TDRD10: variants seen among roughly 807,000 people sequenced by gnomAD.
TDRD10 encodes tudor domain containing 10, also known as tudor domain-containing protein 10.
TDRD10 carries 40 observed loss-of-function variants against 48.0 expected under a neutral mutation model. That is an observed-to-expected ratio of 0.83 (90% CI 0.65 to 1.09). The LOEUF is 1.09. Among genes scored for constraint, TDRD10 ranks in the 50% least tolerant of loss-of-function variants. The pLI, the probability that TDRD10 is intolerant of heterozygous loss-of-function variation, is 0.00. For synonymous variants in TDRD10, 162 were observed against 170.4 expected, an observed-to-expected ratio of 0.95 and a Z score of 0.38; for missense variants, 378 against 434.7, an observed-to-expected ratio of 0.87 and a Z score of 1.16.
intron 5 of TDRD10, among the ~76,000 whole-genome samples, chr1:154,520,595 G>T (rs560860605): frequency 3.3e-5 from 5 of 152,336 alleles, no homozygotes; most frequent in East Asian, 1.9e-4. Context: ...GAAGTCCAGA[G>T]ACCTGGGTAT....
intron 1 of TDRD10, among the ~76,000 whole-genome samples, chr1:154,503,731 A>G (rs1233003653): frequency 6.6e-6 from 1 of 152,252 alleles, no homozygotes; most frequent in African/African-American, 2.4e-5. Context: ...CTCATATACA[A>G]TGGAAACAGA....
At chr1:154,523,339 C>T (rs773148396) in intron 6 of TDRD10, among the ~76,000 whole-genome samples, 3 of 152,230 alleles carry the variant, frequency 2.0e-5, no homozygotes, top group Non-Finnish European at 4.4e-5. Context: ...CCAGTCTTTG[C>T]AGCTCTCTTA....
chr1:154,519,319 C>A (rs930276933), intron 4 of TDRD10, among the ~76,000 whole-genome samples: 1 of 152,192 alleles, frequency 6.6e-6, no homozygotes, highest in African/African-American at 2.4e-5. Flanking sequence ...ATGAGTTATA[C>A]ATAATGCATT....
chr1:154,512,047 A>AT (rs1381706021), intron 4 of TDRD10, among the ~76,000 whole-genome samples: 5 of 151,952 alleles, frequency 3.3e-5, no homozygotes, highest in African/African-American at 1.2e-4. Context: ...AAAAAGTACA[A>AT]TTCAATTATT....
chr1:154,532,991 G>GA (rs747682006), intron 6 of TDRD10, among the ~76,000 whole-genome samples: 3 of 152,330 alleles, frequency 2.0e-5, no homozygotes, highest in South Asian at 2.1e-4. Context: ...TAGGGAGAGA[G>GA]AGGGGGGCTT....
chr1:154,544,381 C>T lies in TDRD10; in HGVS notation c.661C>T (p.Gln221Ter). The change falls in exon 10 of 13, where the codon CAG becomes TAG. Residue 221 changes from glutamine (Q) to a stop codon, truncating the protein, a stop_gained. Transcript: ENST00000368482. LOFTEE classifies it high-confidence loss of function. ...GTTTTGCACCCCACAGGCTCTGCAC[C>T]AGAACATGCAGGCTCTGTTTAGCAC... Reference protein sequence around the residue: ...WAMHVTEALHQNMQALFSTLA... With the variant: ...WAMHVTEALH 1 of 1,585,674 alleles carries T rather than the reference C, an allele frequency of 6.3e-7. No individual in the cohort carries two copies.
chr1:154,512,331 T>G (rs1019524139), intron 4 of TDRD10, among the ~76,000 whole-genome samples: 4 of 152,118 alleles, frequency 2.6e-5, no homozygotes, highest in South Asian at 2.1e-4. Context: ...TTGTTCCTTT[T>G]TTGTTGTTGT....
At position 154,534,281 on chromosome 1, in the gene TDRD10, A is replaced by AT. The variant is rs374209113; in HGVS notation, c.370-7737dup. Among the ~76,000 whole-genome samples the AT allele has an allele frequency of 1.0e-3, 157 of 152,302 alleles. 1 individual carries two copies. Among genetic ancestry groups the AT allele is most frequent in the Non-Finnish European group, 1.9e-3 (128 of 68,032 alleles). On this transcript the variant is annotated intron_variant, in intron 6 of 12. Transcript: ENST00000368482. ...CAGTTCCTGGGTTAAGATCTAGGCT[A>AT]TTTTTTAAAAAACAAAAATAAACAG...
At chr1:154,532,099 G>A (rs1171157928) in intron 6 of TDRD10, among the ~76,000 whole-genome samples, 2 of 152,226 alleles carry the variant, frequency 1.3e-5, no homozygotes, top group East Asian at 3.8e-4. Flanking sequence ...ACACTCCTCA[G>A]CCCTTGGGTG....
chr1:154,512,112 A>AC (rs1693514235), intron 4 of TDRD10, among the ~76,000 whole-genome samples: 1 of 151,734 alleles, frequency 6.6e-6, no homozygotes, highest in African/African-American at 2.4e-5. Flanking sequence ...TATTTTCATC[A>AC]CCCCCAAAAT....
intron 6 of TDRD10, among the ~76,000 whole-genome samples, chr1:154,536,671 C>T (rs1022824402): frequency 6.6e-6 from 1 of 152,216 alleles, no homozygotes; most frequent in Non-Finnish European, 1.5e-5. Flanking sequence ...AAAGATTCCC[C>T]CTTCAGGGCC....
intron 6 of TDRD10, among the ~76,000 whole-genome samples, chr1:154,528,708 C>T (rs764782150): frequency 1.1e-4 from 17 of 151,804 alleles, no homozygotes; most frequent in Non-Finnish European, 2.2e-4. Context: ...CCCAGCTACT[C>T]GGGAAGCTGA....
chr1:154,544,784 T>C lies in TDRD10; in HGVS notation c.798-11T>C. ...ATGATTGTCCTCTGTCTTTCTCTTT[T>C]CCTCTGCCAGGTGTTGGGTGCTGGA... is the stretch of plus-strand genomic sequence containing the variant. On this transcript the variant is annotated splice_polypyrimidine_tract_variant and intron_variant, in intron 10 of 12. Coordinates refer to ENST00000368482, the MANE Select transcript of TDRD10 (RefSeq NM_182499.4). 1 of 1,613,384 alleles carries C rather than the reference T, an allele frequency of 6.2e-7. No homozygotes were observed. Among genetic ancestry groups the C allele is most frequent in the Non-Finnish European group, 8.5e-7 (1 of 1,179,592 alleles).
intron 4 of TDRD10, among the ~76,000 whole-genome samples, chr1:154,510,364 G>A (rs1357945295): frequency 3.3e-5 from 5 of 152,094 alleles, no homozygotes; most frequent in Admixed American, 1.3e-4. Context: ...AGGCTGAGGC[G>A]GGCAAATCAC....
chr1:154,535,830 C>T (rs1159938204), intron 6 of TDRD10, among the ~76,000 whole-genome samples: 1 of 152,082 alleles, frequency 6.6e-6, no homozygotes, highest in Non-Finnish European at 1.5e-5. Flanking sequence ...GTATCCAACC[C>T]AGATCCAAGA....
intron 10 of TDRD10, 138 bp from the exon 11 acceptor site, chr1:154,544,657 C>A: frequency 6.8e-7 from 1 of 1,469,502 alleles, no homozygotes; most frequent in Non-Finnish European, 9.1e-7. Flanking sequence ...TATTTCCTCA[C>A]TCAAGGATTG....
At chr1:154,523,612 A>G (rs1369365676) in intron 6 of TDRD10, among the ~76,000 whole-genome samples, 2 of 152,162 alleles carry the variant, frequency 1.3e-5, no homozygotes, top group Admixed American at 6.5e-5. Context: ...CCATTTCTTC[A>G]TTATTCAATA....
At chr1:154,519,924 G>A (rs1479894007) in intron 4 of TDRD10, among the ~76,000 whole-genome samples, 2 of 152,198 alleles carry the variant, frequency 1.3e-5, no homozygotes, top group Non-Finnish European at 2.9e-5. Flanking sequence ...GCAGGGTTGA[G>A]AAGCAGTGAG....
intron 5 of TDRD10, 98 bp downstream of exon 5, chr1:154,520,472 G>GC: frequency 1.1e-6 from 1 of 902,814 alleles, no homozygotes; most frequent in Non-Finnish European, 1.8e-6. Flanking sequence ...CCCAGCAACC[G>GC]CCACGTCCAC....
Sources: allele counts gnomAD v4.1 joint callset (sites outside exome capture counted in the v4.1 genomes callset), GRCh38; gene constraint gnomAD v4.1.1; transcripts MANE v1.5; gene names NCBI Gene and HGNC (gene_info 2026-07-23, HGNC 2026-07-21).